Variants in PRKCA observed in about 807,000 individuals in gnomAD.
PRKCA encodes protein kinase C alpha, also known as protein kinase C alpha type.
PRKCA carries 27 observed loss-of-function variants against 87.0 expected under a neutral mutation model. The observed-to-expected ratio is 0.31, with a 90% CI of 0.23 to 0.43. The LOEUF is 0.43. Among genes scored for constraint, PRKCA ranks in the 20% least tolerant of loss-of-function variants. The pLI is 1.00. For synonymous variants in PRKCA, 329 were observed against 311.1 expected (o/e 1.06, Z -0.61); for missense variants, 518 against 852.3 (o/e 0.61, Z 4.88).
At chr17:66,306,008 G>A in intron 1 of PRKCA, 88 bp from the exon 2 acceptor site, 1 of 1,193,128 alleles carries the variant, frequency 8.4e-7, no homozygotes, top group South Asian at 1.2e-5. Context: ...ACCTTTAGTG[G>A]TAGAGTACTT....
intron 2 of PRKCA, among the ~76,000 whole-genome samples, chr17:66,342,851 G>A (rs1054047977): frequency 2.0e-5 from 3 of 152,130 alleles, no homozygotes; most frequent in Non-Finnish European, 4.4e-5. Flanking sequence ...AGTGAAAATA[G>A]CATGTGGAAC....
intron 3 of PRKCA, among the ~76,000 whole-genome samples, chr17:66,523,640 G>T (rs1287904841): frequency 6.6e-6 from 1 of 152,168 alleles, no homozygotes; most frequent in Non-Finnish European, 1.5e-5. Context: ...GAAAAATCAT[G>T]CTCCCTTCCC....
intron 14 of PRKCA, chr17:66,774,391 C>T: frequency 5.4e-6 from 6 of 1,114,880 alleles, no homozygotes; most frequent in Non-Finnish European, 6.7e-6. Context: ...GAAGCCAAGG[C>T]AGGCGGATCG....
chr17:66,637,902 C>G (rs934585654), intron 3 of PRKCA, among the ~76,000 whole-genome samples: 2 of 152,140 alleles, frequency 1.3e-5, no homozygotes, highest in African/African-American at 4.8e-5. Context: ...GAACCATGCT[C>G]TGAAAACCCT....
intron 14 of PRKCA, chr17:66,774,661 TA>T: frequency 1.0e-6 from 1 of 986,724 alleles, no homozygotes; most frequent in Non-Finnish European, 1.2e-6. Context: ...CAGTGGCCTC[TA>T]AGTTTTCAGT....
At chr17:66,649,873 G>A (rs147575095) in intron 5 of PRKCA, among the ~76,000 whole-genome samples, 1 of 152,166 alleles carries the variant, frequency 6.6e-6, no homozygotes, top group African/African-American at 2.4e-5. Context: ...GTGGGGAAGG[G>A]GACAGAGAGG....
chr17:66,701,195 C>A (rs1973052801), intron 8 of PRKCA, among the ~76,000 whole-genome samples: 1 of 152,058 alleles, frequency 6.6e-6, no homozygotes, highest in African/African-American at 2.4e-5. Context: ...CAGAATAAAG[C>A]AAGGATAGTC....
intron 3 of PRKCA, among the ~76,000 whole-genome samples, chr17:66,607,559 T>G (rs531142042): frequency 2.0e-5 from 3 of 152,362 alleles, no homozygotes; most frequent in South Asian, 2.1e-4. Flanking sequence ...GTCTTGATAT[T>G]GATCCCAAAG....
chr17:66,743,712 G>A (rs1194471187), intron 13 of PRKCA, among the ~76,000 whole-genome samples: 1 of 152,166 alleles, frequency 6.6e-6, no homozygotes, highest in Non-Finnish European at 1.5e-5. Flanking sequence ...GCATGGTGGA[G>A]ACCAATGGAT....
At chr17:66,587,130 T>C (rs549283039) in intron 3 of PRKCA, among the ~76,000 whole-genome samples, 2 of 152,224 alleles carry the variant, frequency 1.3e-5, no homozygotes, top group Non-Finnish European at 2.9e-5. Flanking sequence ...CGTGATAGTA[T>C]GTTTCCTGGT....
At position 66,747,620 on chromosome 17, in the gene PRKCA, C is replaced by T. The variant is rs760960372; in HGVS notation, c.1524+4860C>T. 1.1e-4 allele frequency among the ~76,000 whole-genome samples: 17 copies of T among 152,176 alleles called. 1 individual carries two copies. The highest frequency in any genetic ancestry group is 4.1e-4 in the South Asian group (2 of 4,828). Reference sequence around the variant, plus strand: ...CGAGATGTTCTGACCGGAGCCCGTACGTTCTTTTTACCTATTGCATTGTCT... The same window carrying T: ...CGAGATGTTCTGACCGGAGCCCGTATGTTCTTTTTACCTATTGCATTGTCT... On this transcript the variant is annotated intron_variant, in intron 13 of 16. Transcript: ENST00000413366.
At chr17:66,368,380 ATATATATTTT>A (rs1908876633) in intron 2 of PRKCA, among the ~76,000 whole-genome samples, 10 of 29,920 alleles carry the variant, frequency 3.3e-4, no homozygotes, top group Admixed American at 1.0e-3. Context: ...ATATATATAT[ATATATATTTT>A]TTTTTTTTTT....
intron 3 of PRKCA, among the ~76,000 whole-genome samples, chr17:66,505,881 G>A (rs560069072): frequency 1.3e-5 from 2 of 152,236 alleles, no homozygotes; most frequent in South Asian, 4.1e-4. Context: ...GAATTTTAGA[G>A]GTGAGACTTG....
intron 3 of PRKCA, among the ~76,000 whole-genome samples, chr17:66,633,125 G>T (rs1971065834): frequency 6.6e-6 from 1 of 152,122 alleles, no homozygotes; most frequent in Non-Finnish European, 1.5e-5. Flanking sequence ...ATGGAGAGTG[G>T]GCCAGGCAGA....
intron 8 of PRKCA, among the ~76,000 whole-genome samples, chr17:66,711,969 G>A (rs1271408935): frequency 6.6e-6 from 1 of 152,166 alleles, no homozygotes; most frequent in Non-Finnish European, 1.5e-5. Flanking sequence ...GGTAAATACT[G>A]TGTGTGAAAA....
Position 66,799,469 on chromosome 17 carries a change from ATGGTGGTGGTGGTGATGGTGGTGG to A in PRKCA, c.1855-4389_1855-4366del. ...GGTGGTGGTGATGGTGGTGGTGGTG[ATGGTGGTGGTGGTGATGGTGGTGG>A]TGGTGGTGGTGGTGGTGATGGTAAT... is the stretch of plus-strand genomic sequence containing the variant. On this transcript the variant is annotated intron_variant, in intron 16 of 16. Transcript: ENST00000413366. Among the ~76,000 whole-genome samples, 2 of 16,548 alleles carry A rather than the reference ATGGTGGTGGTGGTGATGGTGGTGG, an allele frequency of 1.2e-4. 1 individual carries two copies. The highest frequency in any genetic ancestry group is 2.4e-4 in the Non-Finnish European group (2 of 8,292). 10.9% of individuals were successfully genotyped at this position (16,548 alleles called of 152,430 possible).
At chr17:66,680,293 G>A (rs1012003327) in intron 5 of PRKCA, among the ~76,000 whole-genome samples, 29 of 152,298 alleles carry the variant, frequency 1.9e-4, no homozygotes, top group Admixed American at 1.3e-3. Flanking sequence ...AGTAGGATTC[G>A]AGAATTTTGT....
At chr17:66,306,259 G>T in intron 2 of PRKCA, 132 bp downstream of exon 2, 9 of 863,568 alleles carry the variant, frequency 1.0e-5, no homozygotes, top group Non-Finnish European at 1.4e-5. Context: ...TATGAGGGCT[G>T]TAAATTTGGG....
chr17:66,596,425 A>G (rs1969978317), intron 3 of PRKCA, among the ~76,000 whole-genome samples: 1 of 151,576 alleles, frequency 6.6e-6, no homozygotes, highest in African/African-American at 2.4e-5. Context: ...GCTCCACTTC[A>G]TCCCCATCCC....
Sources: allele counts gnomAD v4.1 joint callset (sites outside exome capture counted in the v4.1 genomes callset), GRCh38; gene constraint gnomAD v4.1.1; transcripts MANE v1.5; gene names NCBI Gene and HGNC (gene_info 2026-07-23, HGNC 2026-07-21).